COX7B2: variants seen among roughly 807,000 people sequenced by gnomAD.
COX7B2 encodes the protein cytochrome c oxidase subunit 7B2, also known as cytochrome c oxidase subunit 7B2, mitochondrial.
For missense variants in COX7B2, 109 were observed against 95.9 expected (o/e 1.14, Z -0.57); for synonymous variants, 37 against 32.1 (o/e 1.15, Z -0.51).
At chr4:46,849,280 G>C (rs1054899770) in intron 1 of COX7B2, among the ~76,000 whole-genome samples, 3 of 151,994 alleles carry the variant, frequency 2.0e-5, no homozygotes, top group Admixed American at 2.0e-4. Context: ...CCTATGTTTT[G>C]CTTTGTTTAG....
rs189039968 is a variant in COX7B2 at position 46,896,602 on chromosome 4, A to G, written c.-105+12558T>C. On this transcript the variant is annotated intron_variant, in intron 1 of 2. Transcript: ENST00000355591. ...GTGGAAAAACCTTCCTCTGGGGACT[A>G]TTTTCCTGGTTCATTTTATACCATG... Among the ~76,000 whole-genome samples, 479 of 151,986 alleles carry G rather than the reference A, an allele frequency of 3.2e-3. 2 individuals carry two copies. The highest frequency in any genetic ancestry group is 3.9e-3 in the Non-Finnish European group (265 of 67,958).
chr4:46,742,764 TC>T, intron 2 of COX7B2, among the ~76,000 whole-genome samples: 1 of 152,254 alleles, frequency 6.6e-6, no homozygotes, highest in Non-Finnish European at 1.5e-5. Flanking sequence ...TGAGCTGGTG[TC>T]CTCAAATGCC....
rs369622386 is a variant in COX7B2, at chr4:46,821,025, C to A, written c.-50+23935G>T. ...ACAATTTTTTTAAATGAGTTGTATG[C>A]ATGCTAAAGTAAGATCCACTGCCTT... On this transcript the variant is annotated intron_variant, in intron 2 of 2. Coordinates refer to ENST00000355591, the MANE Select transcript of COX7B2 (RefSeq NM_130902.3). Among the ~76,000 whole-genome samples the A allele has an allele frequency of 1.4e-4, 21 of 151,998 alleles. 1 individual carries two copies. The highest frequency in any genetic ancestry group is 5.1e-4 in the African/African-American group (21 of 41,376).
At chr4:46,803,493 T>A (rs1718776906) in intron 2 of COX7B2, among the ~76,000 whole-genome samples, 1 of 152,174 alleles carries the variant, frequency 6.6e-6, no homozygotes. Flanking sequence ...ATTTCATTAG[T>A]CATATTTTTT....
At position 46,875,699 on chromosome 4, in the gene COX7B2, A is replaced by C. The variant is rs183754756; in HGVS notation, c.-104-30685T>G. Among the ~76,000 whole-genome samples, 5 of 151,868 alleles carry C rather than the reference A, an allele frequency of 3.3e-5. No homozygotes were observed. In the East Asian group the frequency reaches 9.8e-4, roughly 30 times the overall value. The stretch of plus-strand genomic sequence containing the variant: ...CAATCTAACGTCCTATGACTTCCCA[A>C]CTAAATTCTGCTTCCATCAGGACAC... On this transcript the variant is annotated intron_variant, in intron 1 of 2. Coordinates refer to ENST00000355591, the MANE Select transcript of COX7B2 (RefSeq NM_130902.3).
chr4:46,816,125 C>A (rs1018355440), intron 2 of COX7B2, among the ~76,000 whole-genome samples: 15 of 152,162 alleles, frequency 9.9e-5, no homozygotes, highest in African/African-American at 3.6e-4. Context: ...TGACATTATA[C>A]CCTACAACTA....
intron 2 of COX7B2, among the ~76,000 whole-genome samples, chr4:46,742,843 T>G (rs1308563019): frequency 6.6e-6 from 1 of 152,204 alleles, no homozygotes; most frequent in Non-Finnish European, 1.5e-5. Flanking sequence ...CCAGTCACAG[T>G]CTAAATGAAC....
At chr4:46,822,713 A>G (rs1714388548) in intron 2 of COX7B2, among the ~76,000 whole-genome samples, 1 of 152,220 alleles carries the variant, frequency 6.6e-6, no homozygotes, top group Non-Finnish European at 1.5e-5. Context: ...TTAAATGATT[A>G]CCCAATGTAT....
intron 1 of COX7B2, among the ~76,000 whole-genome samples, chr4:46,886,636 T>C (rs1439558066): frequency 6.6e-6 from 1 of 152,144 alleles, no homozygotes; most frequent in Non-Finnish European, 1.5e-5. Flanking sequence ...ATCTTAAAGT[T>C]TGACCTAAGA....
chr4:46,795,501 G>T (rs200040668), intron 2 of COX7B2, among the ~76,000 whole-genome samples: 4 of 142,506 alleles, frequency 2.8e-5, no homozygotes, highest in Non-Finnish European at 4.5e-5. Context: ...TCAAAGATCA[G>T]ATAGTTGTAG....
intron 1 of COX7B2, among the ~76,000 whole-genome samples, chr4:46,885,016 A>G (rs991104285): frequency 1.3e-5 from 2 of 152,076 alleles, no homozygotes; most frequent in African/African-American, 4.8e-5. Context: ...ATGTATTGTA[A>G]AAAAGAAATG....
chr4:46,806,362 A>G (rs975415606), intron 2 of COX7B2, among the ~76,000 whole-genome samples: 3 of 152,096 alleles, frequency 2.0e-5, no homozygotes, highest in African/African-American at 7.2e-5. Flanking sequence ...AAGTAAAAAA[A>G]AAACTTTTCC....
chr4:46,761,282 AG>A (rs1304786662), intron 2 of COX7B2, among the ~76,000 whole-genome samples: 1 of 152,158 alleles, frequency 6.6e-6, no homozygotes, highest in Admixed American at 6.6e-5. Flanking sequence ...AACCAGTAGC[AG>A]GGGGCCACCT....
intron 1 of COX7B2, among the ~76,000 whole-genome samples, chr4:46,908,674 G>A (rs1198959515): frequency 6.9e-6 from 1 of 144,966 alleles, no homozygotes; most frequent in Non-Finnish European, 1.5e-5. Flanking sequence ...AGAGTGAGAG[G>A]AAGGTCCAAA....
intron 2 of COX7B2, among the ~76,000 whole-genome samples, chr4:46,778,484 G>A (rs1717276385): frequency 6.6e-6 from 1 of 151,902 alleles, no homozygotes. Context: ...TATTTTTTAT[G>A]ACCAGTCAAC....
intron 1 of COX7B2, among the ~76,000 whole-genome samples, chr4:46,858,222 T>C (rs573942961): frequency 6.8e-6 from 1 of 147,846 alleles, no homozygotes; most frequent in Non-Finnish European, 1.5e-5. Flanking sequence ...GCCTCCTGAG[T>C]AGCTAGGACT....
chr4:46,823,624 A>C (rs1714459862), intron 2 of COX7B2, among the ~76,000 whole-genome samples: 1 of 151,636 alleles, frequency 6.6e-6, no homozygotes, highest in Non-Finnish European at 1.5e-5. Context: ...ATTAGAAAGA[A>C]ATTTATATCA....
At chr4:46,835,359 T>C (rs948536068) in intron 2 of COX7B2, among the ~76,000 whole-genome samples, 1 of 151,928 alleles carries the variant, frequency 6.6e-6, no homozygotes, top group South Asian at 2.1e-4. Flanking sequence ...GTAAACATCC[T>C]AAAATGAAAA....
intron 2 of COX7B2, among the ~76,000 whole-genome samples, chr4:46,820,665 T>C (rs1486266485): frequency 6.6e-6 from 1 of 151,680 alleles, no homozygotes; most frequent in Non-Finnish European, 1.5e-5. Flanking sequence ...CTACTAAAAA[T>C]ACAAAATTAG....
Sources: gnomAD v4.1 joint callset for allele counts (sites outside exome capture counted in the v4.1 genomes callset) on GRCh38, gnomAD v4.1.1 for gene constraint, MANE v1.5 for transcripts, NCBI Gene and HGNC (gene_info 2026-07-23, HGNC 2026-07-21) for gene names.